The following PHLPP1 variants were observed in gnomAD, a reference collection of about 807,000 sequenced individuals.
The protein encoded by PHLPP1 is PH domain leucine-rich repeat-containing protein phosphatase 1.
A neutral mutation model predicts 117.2 loss-of-function variants in PHLPP1; 42 were observed. The ratio of observed to expected loss-of-function variants is 0.36; its 90% CI spans 0.28 to 0.46. The LOEUF is 0.46. Among genes scored for constraint, PHLPP1 ranks in the 20% least tolerant of loss-of-function variants. The pLI is 1.00. For missense variants in PHLPP1, 2,084 were observed against 2,241.9 expected (o/e 0.93, Z 1.42); for synonymous variants, 1,042 against 970.7 (o/e 1.07, Z -1.37).
chr18:62,852,488 C>T (rs937086743), intron 3 of PHLPP1, among the ~76,000 whole-genome samples: 4 of 152,108 alleles, frequency 2.6e-5, no homozygotes, highest in African/African-American at 4.8e-5. Context: ...GGACTACAGG[C>T]GCCTGCCGCC....
At chr18:62,745,256 C>T (rs1163298219) in intron 1 of PHLPP1, among the ~76,000 whole-genome samples, 3 of 151,954 alleles carry the variant, frequency 2.0e-5, no homozygotes, top group Non-Finnish European at 2.9e-5. Context: ...GGTTCTGTAC[C>T]CTTTGACTCC....
At chr18:62,929,053 A>G (rs1909730274) in intron 10 of PHLPP1, among the ~76,000 whole-genome samples, 1 of 152,230 alleles carries the variant, frequency 6.6e-6, no homozygotes, top group African/African-American at 2.4e-5. Flanking sequence ...TTGTGGAATT[A>G]TATGGTGGTG....
At chr18:62,726,199 T>TG (rs1911064828) in intron 1 of PHLPP1, among the ~76,000 whole-genome samples, 2 of 151,964 alleles carry the variant, frequency 1.3e-5, no homozygotes, top group Non-Finnish European at 2.9e-5. Flanking sequence ...TATTTATGGA[T>TG]GGGAGGGGGT....
intron 10 of PHLPP1, among the ~76,000 whole-genome samples, chr18:62,937,697 G>C (rs893134043): frequency 6.6e-6 from 1 of 152,104 alleles, no homozygotes; most frequent in Admixed American, 6.6e-5. Context: ...TATCTCTGGG[G>C]TGATGGAAAA....
At chr18:62,767,370 G>A (rs552026203) in intron 1 of PHLPP1, among the ~76,000 whole-genome samples, 1 of 152,262 alleles carries the variant, frequency 6.6e-6, no homozygotes, top group Admixed American at 6.5e-5. Context: ...AGCCAAAACC[G>A]CAATTCCTGC....
intron 1 of PHLPP1, among the ~76,000 whole-genome samples, chr18:62,753,369 A>G (rs942919786): frequency 1.3e-5 from 2 of 152,230 alleles, no homozygotes; most frequent in Non-Finnish European, 2.9e-5. Flanking sequence ...CTTTTACAAT[A>G]TGGTTTATAT....
chr18:62,964,460 A>G (rs575951365), intron 14 of PHLPP1, among the ~76,000 whole-genome samples: 36 of 152,364 alleles, frequency 2.4e-4, no homozygotes, highest in Admixed American at 2.4e-3. Flanking sequence ...TCTTTGGAAC[A>G]GAAAACAGCA....
intron 2 of PHLPP1, among the ~76,000 whole-genome samples, chr18:62,836,001 A>C (rs1914885115): frequency 6.6e-6 from 1 of 151,526 alleles, no homozygotes; most frequent in South Asian, 2.1e-4. Context: ...GGCTGGTCTC[A>C]AACTCCTGAC....
At chr18:62,960,458 T>G (rs1184229243) in intron 13 of PHLPP1, among the ~76,000 whole-genome samples, 1 of 152,086 alleles carries the variant, frequency 6.6e-6, no homozygotes, top group Non-Finnish European at 1.5e-5. Context: ...TTTCAGAAAC[T>G]CTCAAGAGTA....
At chr18:62,815,989 A>G (rs1914261344) in intron 1 of PHLPP1, among the ~76,000 whole-genome samples, 1 of 152,148 alleles carries the variant, frequency 6.6e-6, no homozygotes, top group African/African-American at 2.4e-5. Context: ...GTTACATATC[A>G]ATAGTATTGT....
chr18:62,821,089 T>A (rs944099423), intron 1 of PHLPP1, among the ~76,000 whole-genome samples: 7 of 152,076 alleles, frequency 4.6e-5, no homozygotes, highest in African/African-American at 9.7e-5. Context: ...TATACCAGAA[T>A]TTATGGGATG....
intron 6 of PHLPP1, among the ~76,000 whole-genome samples, chr18:62,897,248 A>G (rs564536060): frequency 1.7e-4 from 26 of 152,336 alleles, no homozygotes; most frequent in South Asian, 8.3e-4. Context: ...GCTTACACAT[A>G]AGATCAATCT....
intron 1 of PHLPP1, among the ~76,000 whole-genome samples, chr18:62,793,947 A>G (rs532476052): frequency 4.6e-5 from 7 of 152,238 alleles, no homozygotes; most frequent in South Asian, 2.1e-4. Context: ...TTGGTTTCCC[A>G]ATATTGATGA....
At chr18:62,861,354 T>C (rs989877719) in intron 4 of PHLPP1, among the ~76,000 whole-genome samples, 3 of 152,222 alleles carry the variant, frequency 2.0e-5, no homozygotes, top group African/African-American at 7.2e-5. Flanking sequence ...TCTGCCCTTC[T>C]TGGCCTCCCA....
At chr18:62,727,991 G>C (rs2122055616) in intron 1 of PHLPP1, among the ~76,000 whole-genome samples, 1 of 152,118 alleles carries the variant, frequency 6.6e-6, no homozygotes, top group South Asian at 2.1e-4. Context: ...TTACGTATTA[G>C]AGATAATTTT....
At chr18:62,792,928 A>G (rs1285861474) in intron 1 of PHLPP1, among the ~76,000 whole-genome samples, 1 of 150,578 alleles carries the variant, frequency 6.6e-6, no homozygotes, top group Non-Finnish European at 1.5e-5. Context: ...TAATCCCAGC[A>G]CTTTGGGAGG....
At chr18:62,968,529 CTTTTTTTT>C (rs34849907) in intron 14 of PHLPP1, among the ~76,000 whole-genome samples, 120 of 51,752 alleles carry the variant, frequency 2.3e-3, no homozygotes, top group Non-Finnish European at 3.5e-3. Flanking sequence ...CATTATTAGG[CTTTTTTTT>C]TTTTTTTTTT....
intron 4 of PHLPP1, among the ~76,000 whole-genome samples, chr18:62,879,953 A>G (rs1916137637): frequency 6.6e-6 from 1 of 152,020 alleles, no homozygotes; most frequent in Non-Finnish European, 1.5e-5. Context: ...ACTTTTGTAA[A>G]CACTCATGGT....
At chr18:62,882,487 C>A (rs1916194297) in intron 4 of PHLPP1, among the ~76,000 whole-genome samples, 1 of 152,012 alleles carries the variant, frequency 6.6e-6, no homozygotes, top group African/African-American at 2.4e-5. Context: ...TCTCAATCTC[C>A]TGACCTCGTG....
Sources: allele counts gnomAD v4.1 joint callset (sites outside exome capture counted in the v4.1 genomes callset), GRCh38; gene constraint gnomAD v4.1.1; transcripts MANE v1.5; gene names NCBI Gene and HGNC (gene_info 2026-07-23, HGNC 2026-07-21).